RABGAP1L: variants seen among roughly 807,000 people sequenced by gnomAD.
The protein encoded by RABGAP1L is RAB GTPase activating protein 1 like, also known as rab GTPase-activating protein 1-like.
A neutral mutation model predicts 137.7 loss-of-function variants in RABGAP1L; 63 were observed. That is an observed-to-expected ratio of 0.46 (90% confidence interval 0.37 to 0.56). The LOEUF (loss-of-function observed/expected upper bound fraction) is 0.56. RABGAP1L is among the 20% of genes least tolerant of loss of function. The pLI is 0.00. For missense variants in RABGAP1L, 1,095 were observed against 1,244.0 expected, an observed-to-expected ratio of 0.88 and a Z score of 1.80; for synonymous variants, 431 against 433.7, an observed-to-expected ratio of 0.99 and a Z score of 0.08.
chr1:174,325,671 C>A (rs1207255793), intron 11 of RABGAP1L, among the ~76,000 whole-genome samples: 2 of 152,160 alleles, frequency 1.3e-5, no homozygotes, highest in African/African-American at 4.8e-5. Flanking sequence ...ATCCTGGGTC[C>A]CTTCACAGGA....
intron 17 of RABGAP1L, among the ~76,000 whole-genome samples, chr1:174,714,051 C>T (rs1680803519): frequency 6.6e-6 from 1 of 152,198 alleles, no homozygotes; most frequent in Non-Finnish European, 1.5e-5. Flanking sequence ...TTCCTTCCTC[C>T]CCAGTGGTAT....
chr1:174,289,943 G>A (rs4650990), intron 10 of RABGAP1L, among the ~76,000 whole-genome samples: 87,290 of 152,016 alleles, frequency 0.57, 27,450 homozygotes, highest in African/African-American at 0.85. Flanking sequence ...TGGACTCCCT[G>A]ATTGGTTGGG....
At chr1:174,385,618 T>C (rs1360174499) in intron 12 of RABGAP1L, among the ~76,000 whole-genome samples, 3 of 152,140 alleles carry the variant, frequency 2.0e-5, no homozygotes, top group Non-Finnish European at 4.4e-5. Context: ...CTCCAGTGTT[T>C]GGGAGTTGGA....
chr1:174,622,694 G>C (rs1170066611), intron 13 of RABGAP1L, among the ~76,000 whole-genome samples: 2 of 152,132 alleles, frequency 1.3e-5, no homozygotes, highest in African/African-American at 2.4e-5. Flanking sequence ...TCACACTCCG[G>C]GGTCTGTTGT....
rs193201494 is a variant in RABGAP1L, at chr1:174,230,352, C to T, written c.332-793C>T. The stretch of plus-strand genomic sequence containing the variant: ...ACATGGCACATATATACGTATGTAA[C>T]AAACCTGCACGTTGTGCACTTGTAC... On this transcript the variant is annotated intron_variant, in intron 3 of 25. Coordinates refer to ENST00000681986, the MANE Select transcript of RABGAP1L (RefSeq NM_001366446.1). Among the ~76,000 whole-genome samples the T allele has an allele frequency of 2.6e-5, 4 of 152,000 alleles. No homozygotes were observed. In the East Asian group the frequency reaches 7.7e-4, roughly 29 times the overall value.
At chr1:174,292,753 A>G (rs1346104190) in intron 10 of RABGAP1L, among the ~76,000 whole-genome samples, 1 of 152,158 alleles carries the variant, frequency 6.6e-6, no homozygotes, top group East Asian at 1.9e-4. Context: ...ATAAATGTCC[A>G]TTATGTCAAG....
At chr1:174,878,925 G>GTTTTTTTTTTTTTTT (rs869251284) in intron 19 of RABGAP1L, among the ~76,000 whole-genome samples, 3 of 85,184 alleles carry the variant, frequency 3.5e-5, no homozygotes, top group African/African-American at 1.6e-4. Context: ...TTTGTGCATT[G>GTTTTTTTTTTTTTTT]TTTTTTTTTT....
intron 13 of RABGAP1L, among the ~76,000 whole-genome samples, chr1:174,582,991 C>G (rs1466532100): frequency 6.6e-6 from 1 of 152,106 alleles, no homozygotes; most frequent in Non-Finnish European, 1.5e-5. Context: ...ATGTAAATCT[C>G]TAAATTAACA....
intron 14 of RABGAP1L, among the ~76,000 whole-genome samples, 172 bp from the exon 15 acceptor site, chr1:174,683,350 G>A (rs1678228029): frequency 1.3e-5 from 2 of 152,074 alleles, no homozygotes; most frequent in South Asian, 4.1e-4. Flanking sequence ...GAAATACACA[G>A]CCTCTTTGGG....
intron 13 of RABGAP1L, among the ~76,000 whole-genome samples, chr1:174,417,696 T>C (rs1650766940): frequency 6.6e-6 from 1 of 152,338 alleles, no homozygotes; most frequent in South Asian, 2.1e-4. Context: ...TTACTGGAAG[T>C]ATTGTTGTGT....
At chr1:174,299,160 C>T (rs1677420212) in intron 10 of RABGAP1L, among the ~76,000 whole-genome samples, 1 of 152,134 alleles carries the variant, frequency 6.6e-6, no homozygotes, top group Admixed American at 6.5e-5. Context: ...TCTACATAGG[C>T]CTTTTGGATT....
At chr1:174,675,106 G>A (rs1677510703) in intron 14 of RABGAP1L, among the ~76,000 whole-genome samples, 2 of 152,030 alleles carry the variant, frequency 1.3e-5, no homozygotes, top group Admixed American at 1.3e-4. Context: ...GATCCCATTT[G>A]TCAATTTTGG....
intron 11 of RABGAP1L, among the ~76,000 whole-genome samples, chr1:174,324,680 T>G (rs1326799194): frequency 6.6e-6 from 1 of 152,094 alleles, no homozygotes; most frequent in African/African-American, 2.4e-5. Context: ...ATCACTAACA[T>G]TTAAGGGGTA....
At chr1:174,265,545 A>G (rs991561885) in intron 7 of RABGAP1L, among the ~76,000 whole-genome samples, 4 of 77,604 alleles carry the variant, frequency 5.2e-5, no homozygotes, top group African/African-American at 1.1e-4. Context: ...GCCTGTCTTG[A>G]AAAAAAAAAA....
At chr1:174,629,185 G>A (rs945182583) in intron 13 of RABGAP1L, among the ~76,000 whole-genome samples, 1 of 152,202 alleles carries the variant, frequency 6.6e-6, no homozygotes, top group African/African-American at 2.4e-5. Context: ...ATGATTAGAT[G>A]TGCATTCCTG....
chr1:174,777,655 C>T (rs1686631251), intron 18 of RABGAP1L, among the ~76,000 whole-genome samples: 1 of 151,944 alleles, frequency 6.6e-6, no homozygotes, highest in African/African-American at 2.4e-5. Context: ...AACTTTATTC[C>T]ATATGTTCAA....
intron 1 of RABGAP1L, among the ~76,000 whole-genome samples, chr1:174,196,256 C>T (rs1667681472): frequency 1.4e-5 from 2 of 147,366 alleles, no homozygotes; most frequent in South Asian, 2.1e-4. Flanking sequence ...CTGAGTCTTG[C>T]TCTGTCGCCC....
chr1:174,446,177 A>G (rs1329488656), intron 13 of RABGAP1L, among the ~76,000 whole-genome samples: 1 of 152,222 alleles, frequency 6.6e-6, no homozygotes, highest in Admixed American at 6.5e-5. Flanking sequence ...TTGTAGCTGC[A>G]TCACAGTAAA....
At chr1:174,484,407 A>G (rs923045118) in intron 13 of RABGAP1L, among the ~76,000 whole-genome samples, 1 of 152,086 alleles carries the variant, frequency 6.6e-6, no homozygotes, top group Non-Finnish European at 1.5e-5. Context: ...TTTTACCTTG[A>G]TGTGATCCCA....
Sources: allele counts gnomAD v4.1 joint callset (sites outside exome capture counted in the v4.1 genomes callset), GRCh38; gene constraint gnomAD v4.1.1; transcripts MANE v1.5; gene names NCBI Gene and HGNC (gene_info 2026-07-23, HGNC 2026-07-21).